The following ZBBX variants were observed in gnomAD, a reference collection of about 807,000 sequenced individuals.
ZBBX encodes the protein zinc finger B-box domain-containing protein 1.
In ZBBX, 101 loss-of-function variants were observed where a neutral mutation model predicts 108.5. That is an observed-to-expected ratio of 0.93 (90% CI 0.79 to 1.10). The LOEUF (loss-of-function observed/expected upper bound fraction) is 1.10, where lower values mean the gene tolerates loss of function less well. Ranked by LOEUF, ZBBX falls within the 50% of genes least tolerant of loss-of-function variation. ZBBX has a pLI of 0.00. For synonymous variants in ZBBX, 356 were observed against 323.4 expected (o/e 1.10, Z -1.08); for missense variants, 1,009 against 941.4 (o/e 1.07, Z -0.94).
chr3:167,187,261 T>C, the ZBBX span, among the ~76,000 whole-genome samples: 2 of 152,142 alleles, frequency 1.3e-5, no homozygotes, highest in African/African-American at 2.4e-5. Flanking sequence ...ATAGTGGTAA[T>C]AGTGAGAAAT....
the ZBBX span, among the ~76,000 whole-genome samples, chr3:167,208,012 G>A: frequency 6.6e-6 from 1 of 152,138 alleles, no homozygotes; most frequent in African/African-American, 2.4e-5. Context: ...GGGAGGGAGA[G>A]TACAGTGATT....
the ZBBX span, among the ~76,000 whole-genome samples, chr3:167,230,319 C>A: frequency 3.0e-3 from 459 of 151,898 alleles, 4 homozygotes; most frequent in African/African-American, 0.01. Context: ...TCAATAAATA[C>A]CTTCTCTGTG....
chr3:167,339,069 T>G (rs2108434679), intron 9 of ZBBX, among the ~76,000 whole-genome samples: 1 of 152,302 alleles, frequency 6.6e-6, no homozygotes, highest in East Asian at 1.9e-4. Flanking sequence ...TTACCTCATA[T>G]GCAGTCGGTA....
intron 19 of ZBBX, among the ~76,000 whole-genome samples, chr3:167,288,591 T>C (rs1451686091): frequency 6.6e-6 from 1 of 152,228 alleles, no homozygotes; most frequent in Admixed American, 6.5e-5. Context: ...GTTCAAAATA[T>C]GCCATATCCT....
chr3:167,407,777 CA>C (rs1228434200), exon 1 of ZBBX, among the ~76,000 whole-genome samples: 3 of 151,906 alleles, frequency 2.0e-5, no homozygotes, highest in Non-Finnish European at 4.4e-5. Context: ...CTTGCTGATT[CA>C]GGGGTGGCAG....
At chr3:167,245,404 A>C (rs972878417) in intron 20 of ZBBX, among the ~76,000 whole-genome samples, 3 of 151,878 alleles carry the variant, frequency 2.0e-5, no homozygotes, top group Non-Finnish European at 4.4e-5. Flanking sequence ...TATTCTTTCC[A>C]TCTTCTCTCC....
intron 19 of ZBBX, among the ~76,000 whole-genome samples, chr3:167,287,158 G>T (rs888318130): frequency 1.3e-5 from 2 of 151,868 alleles, no homozygotes; most frequent in Non-Finnish European, 2.9e-5. Flanking sequence ...TAGCTGATAG[G>T]ACATATTATC....
chr3:167,356,877 T>C (rs1743665593), intron 8 of ZBBX, among the ~76,000 whole-genome samples: 1 of 152,164 alleles, frequency 6.6e-6, no homozygotes, highest in South Asian at 2.1e-4. Context: ...AACTCAGCTT[T>C]TACTATTTTA....
At chr3:167,348,314 GAGAAAGAA>G (rs71176641) in intron 9 of ZBBX, among the ~76,000 whole-genome samples, 1,029 of 65,402 alleles carry the variant, frequency 0.016, 28 homozygotes, top group African/African-American at 0.019. Flanking sequence ...GAGAAAGAAA[GAGAAAGAA>G]AGAAAGAAAG....
At chr3:167,342,455 T>C in intron 9 of ZBBX, among the ~76,000 whole-genome samples, 1 of 151,778 alleles carries the variant, frequency 6.6e-6, no homozygotes, top group East Asian at 1.9e-4. Context: ...CTAAAACTTT[T>C]ACTGTATGGG....
At chr3:167,390,423 T>C (rs1413525638) in intron 1 of ZBBX, among the ~76,000 whole-genome samples, 1 of 152,114 alleles carries the variant, frequency 6.6e-6, no homozygotes, top group Non-Finnish European at 1.5e-5. Context: ...GTGTGATGTC[T>C]CCAGCTTTCT....
At chr3:167,208,880 C>T in the ZBBX span, among the ~76,000 whole-genome samples, 1 of 152,126 alleles carries the variant, frequency 6.6e-6, no homozygotes, top group Non-Finnish European at 1.5e-5. Context: ...TGATTCCAGG[C>T]CTTGGCTCTT....
In ZBBX at chr3:167,288,963, C is replaced by A; in HGVS notation, c.1900G>T (p.Asp634Tyr). The change falls in exon 19 of 22, where the codon GAC (aspartate) becomes TAC (tyrosine). Residue 634 changes from aspartate to tyrosine, a missense_variant. By Grantham distance (160) the Asp-to-Tyr change is radical. Coordinates refer to ENST00000675490, the MANE Select transcript of ZBBX (RefSeq NM_001199201.2). ...TLAEDREWIPDHSLSEYADNA... is the reference protein window; with the variant it reads ...TLAEDREWIPYHSLSEYADNA... ...TCAGCATATTCACTTAAGCTATGGT[C>A]TGGAATCCATTCTCTGTCTTCTGAA... 1 of 1,536,668 alleles carries A rather than the reference C, an allele frequency of 6.5e-7. No individual in the cohort carries two copies. Among genetic ancestry groups the A allele is most frequent in the South Asian group, 1.2e-5 (1 of 81,408 alleles).
At chr3:167,269,570 C>T (rs1726171342) in intron 20 of ZBBX, among the ~76,000 whole-genome samples, 1 of 152,036 alleles carries the variant, frequency 6.6e-6, no homozygotes, top group African/African-American at 2.4e-5. Context: ...AGCTAAAAAC[C>T]CCAGAGGAAG....
At position 167,337,032 on chromosome 3, in the gene ZBBX, T is replaced by C. The variant is rs555188944; in HGVS notation, c.529-3047A>G. On this transcript the variant is annotated intron_variant, in intron 9 of 21. Coordinates refer to ENST00000675490, the MANE Select transcript of ZBBX (RefSeq NM_001199201.2). ...GTATGGGTTTGGAACTCAACAGACTTAATTTCAACCCAGACTTGGTCACCA... is the reference window on the plus strand; with the variant it reads ...GTATGGGTTTGGAACTCAACAGACTCAATTTCAACCCAGACTTGGTCACCA... Among the ~76,000 whole-genome samples the C allele has an allele frequency of 1.6e-4, 24 of 152,292 alleles. No homozygotes were observed. In the South Asian group the frequency reaches 5.0e-3, roughly 32 times the overall value.
chr3:167,204,198 CTTTTTTT>C, the ZBBX span, among the ~76,000 whole-genome samples: 1 of 118,106 alleles, frequency 8.5e-6, no homozygotes, highest in African/African-American at 3.0e-5. Context: ...TTCTTTTTTT[CTTTTTTT>C]TTTTTTTAAT....
At chr3:167,270,867 G>A (rs1392977559) in intron 20 of ZBBX, among the ~76,000 whole-genome samples, 1 of 152,178 alleles carries the variant, frequency 6.6e-6, no homozygotes, top group Non-Finnish European at 1.5e-5. Context: ...CTTAACAGGA[G>A]ATCCAACTCT....
At chr3:167,262,528 T>C (rs987019021) in intron 20 of ZBBX, among the ~76,000 whole-genome samples, 3 of 152,168 alleles carry the variant, frequency 2.0e-5, no homozygotes, top group African/African-American at 7.2e-5. Flanking sequence ...TTTTGGTTTG[T>C]TTGTTTGTTT....
rs1419866181 is a variant in ZBBX, at chr3:167,307,229, C to T, written c.1418-1279G>A. Among the ~76,000 whole-genome samples, 3 of 152,134 alleles carry T rather than the reference C, an allele frequency of 2.0e-5. No homozygotes were observed. In the East Asian group the frequency reaches 5.8e-4, roughly 29 times the overall value. Reference sequence around the variant, plus strand: ...AACTGGCACAAGACGAGGATGCCCTCTCTCACCACTCCTATTCAACATAAT... The same window carrying T: ...AACTGGCACAAGACGAGGATGCCCTTTCTCACCACTCCTATTCAACATAAT... On this transcript the variant is annotated intron_variant, in intron 16 of 21. Transcript: ENST00000675490.
Sources: gnomAD v4.1 joint callset for allele counts (sites outside exome capture counted in the v4.1 genomes callset) on GRCh38, gnomAD v4.1.1 for gene constraint, MANE v1.5 for transcripts, NCBI Gene and HGNC (gene_info 2026-07-23, HGNC 2026-07-21) for gene names.